Variants in CPSF7 observed in about 807,000 individuals in gnomAD.
CPSF7 encodes cleavage and polyadenylation specificity factor subunit 7.
Under a neutral mutation model 44.3 loss-of-function variants are expected in CPSF7, and 1 was observed. The observed-to-expected ratio is 0.02, with a 90% confidence interval of 0.01 to 0.11. CPSF7 has a LOEUF of 0.11. Among genes scored for constraint, CPSF7 ranks in the 10% least tolerant of loss-of-function variants. The pLI, the probability that CPSF7 is intolerant of heterozygous loss-of-function variation, is 1.00. For synonymous variants in CPSF7, 202 were observed against 222.0 expected, an observed-to-expected ratio of 0.91 and a Z score of 0.80; for missense variants, 443 against 607.2, an observed-to-expected ratio of 0.73 and a Z score of 2.84.
At chr11:61,407,226 T>C (rs2135242827) in intron 9 of CPSF7, among the ~76,000 whole-genome samples, 1 of 152,274 alleles carries the variant, frequency 6.6e-6, no homozygotes, top group Non-Finnish European at 1.5e-5. Context: ...GTGACATGCA[T>C]TTATGTTCTA....
intron 9 of CPSF7, among the ~76,000 whole-genome samples, chr11:61,407,133 AT>A (rs1859407168): frequency 2.0e-5 from 3 of 152,200 alleles, no homozygotes; most frequent in Admixed American, 1.3e-4. Flanking sequence ...GAGATGTTTA[AT>A]TCTCAAACTA....
chr11:61,423,190 T>G (rs1429038063), intron 2 of CPSF7, among the ~76,000 whole-genome samples: 2 of 79,182 alleles, frequency 2.5e-5, no homozygotes, highest in African/African-American at 5.7e-5. Context: ...TTTTTTTTTT[T>G]GAGACACAGT....
chr11:61,429,710 C>G, intron 1 of CPSF7: 1 of 1,533,366 alleles, frequency 6.5e-7, no homozygotes, highest in Non-Finnish European at 8.8e-7. Context: ...CAACCCAGGC[C>G]TACTCTTCGC....
intron 6 of CPSF7, 38 bp downstream of exon 6, chr11:61,416,059 CACTTATTT>C: frequency 1.4e-6 from 2 of 1,446,252 alleles, no homozygotes; most frequent in Non-Finnish European, 1.8e-6. Context: ...ATGCTTAATA[CACTTATTT>C]ACCCTGGCTC....
intron 7 of CPSF7, among the ~76,000 whole-genome samples, chr11:61,412,259 T>C (rs1804564996): frequency 6.6e-6 from 1 of 152,150 alleles, no homozygotes; most frequent in Non-Finnish European, 1.5e-5. Flanking sequence ...CACAAGTGTG[T>C]ATGTTTAACA....
intron 2 of CPSF7, among the ~76,000 whole-genome samples, chr11:61,422,805 A>AACG (rs1861006351): frequency 6.6e-6 from 1 of 152,052 alleles, no homozygotes; most frequent in African/African-American, 2.4e-5. Context: ...CTAAAACTAC[A>AACG]ACTACTACTA....
At position 61,402,969 on chromosome 11, in the gene CPSF7, AC is replaced by A. The variant is rs139560333; in HGVS notation, c.*1740del. 0.06 allele frequency: 9,142 copies of A among 151,976 alleles called. 962 individuals carry two copies. The highest frequency in any genetic ancestry group is 0.21 in the African/African-American group (8,683 of 41,340). The allele number at this position is 151,976 out of a possible 1,614,324, so 9.4% of individuals were successfully genotyped here. On this transcript the variant is annotated 3_prime_UTR_variant, in exon 10 of 10. Coordinates refer to ENST00000439958, the MANE Select transcript of CPSF7 (RefSeq NM_001142565.3). ...TATATATATTTTTCCTTAAACTGTC[AC>A]CTTTTCTCTACATTTTAAAAGACAC...
At chr11:61,426,365 G>A (rs1450463815) in intron 2 of CPSF7, 1 of 152,150 alleles carries the variant, frequency 6.6e-6, no homozygotes, top group Non-Finnish European at 1.5e-5. Flanking sequence ...GCTTCCAGAT[G>A]ACACTAACAC....
intron 2 of CPSF7, among the ~76,000 whole-genome samples, chr11:61,422,660 T>C (rs1339769899): frequency 6.6e-6 from 1 of 152,120 alleles, no homozygotes; most frequent in Non-Finnish European, 1.5e-5. Flanking sequence ...CTCTAAAATA[T>C]AAGGGCCAGA....
intron 1 of CPSF7, 120 bp downstream of exon 1, chr11:61,429,794 C>G (rs1861786739): frequency 6.5e-7 from 1 of 1,548,216 alleles, no homozygotes; most frequent in Non-Finnish European, 8.7e-7. Context: ...TCAAAAGGCC[C>G]GCGACTCCCT....
At chr11:61,406,936 C>T (rs1390047013) in intron 9 of CPSF7, among the ~76,000 whole-genome samples, 5 of 152,218 alleles carry the variant, frequency 3.3e-5, no homozygotes, top group Admixed American at 3.3e-4. Context: ...CATCACCATG[C>T]CCAGCTAGTT....
intron 9 of CPSF7, among the ~76,000 whole-genome samples, chr11:61,409,233 G>C (rs1284778305): frequency 6.6e-6 from 1 of 151,928 alleles, no homozygotes; most frequent in Non-Finnish European, 1.5e-5. Context: ...CAGCACTTTG[G>C]GAGGCCGAGT....
chr11:61,427,653 AAG>A (rs1359855407), intron 2 of CPSF7, among the ~76,000 whole-genome samples: 2 of 150,356 alleles, frequency 1.3e-5, no homozygotes, highest in South Asian at 2.1e-4. Flanking sequence ...ACTCTGTCTC[AAG>A]AAAAAAAAAA....
chr11:61,429,413 A>C (rs530158757), intron 1 of CPSF7, 123 bp from the exon 2 acceptor site: 12 of 599,986 alleles, frequency 2.0e-5, no homozygotes, highest in Admixed American at 1.9e-4. Context: ...GCTCGGCCCC[A>C]CCCGCTCCGC....
chr11:61,420,005 T>A lies in CPSF7; in HGVS notation c.467A>T (p.Asp156Val). The change falls in exon 5 of 10, where the codon GAC becomes GTC. Residue 156 changes from aspartate to valine, a missense_variant. Asp to Val is a radical substitution (Grantham distance 152). Coordinates refer to ENST00000439958, the MANE Select transcript of CPSF7 (RefSeq NM_001142565.3). Reference sequence around the variant, plus strand: ...GTTCTGCCGGGTGGCCGGCCTCACGTCCACTTTTTCTCCATTAAGAACTTT... The same window carrying A: ...GTTCTGCCGGGTGGCCGGCCTCACGACCACTTTTTCTCCATTAAGAACTTT... Reference protein sequence around the residue: ...PGKVLNGEKVDVRPATRQNLS... With the variant: ...PGKVLNGEKVVVRPATRQNLS... The A allele has an allele frequency of 6.2e-7, 1 of 1,614,162 alleles. No individual in the cohort carries two copies. Among genetic ancestry groups the A allele is most frequent in the Non-Finnish European group, 8.5e-7 (1 of 1,180,028 alleles).
rs748388788 is a variant in CPSF7 at position 61,416,462 on chromosome 11, G to A, written c.581C>T (p.Thr194Ile). ...TGAGGGTACAAGGTTCTCAGAGGGT[G>A]TGGCCCGTCCATCAGCAGAATCACT... ...DSSDSADGRA[T>I]PSENLVPSSA... The change falls in exon 6 of 10, where the codon ACA (threonine) becomes ATA (isoleucine). Residue 194 changes from threonine (T) to isoleucine (I), a missense_variant. Coordinates refer to ENST00000439958, the MANE Select transcript of CPSF7 (RefSeq NM_001142565.3). The A allele has an allele frequency of 1.2e-6, 2 of 1,614,158 alleles. No homozygotes were observed. Among genetic ancestry groups the A allele is most frequent in the South Asian group, 1.1e-5 (1 of 91,082 alleles).
intron 2 of CPSF7, among the ~76,000 whole-genome samples, chr11:61,427,608 G>A (rs953835021): frequency 1.3e-4 from 19 of 149,650 alleles, no homozygotes; most frequent in South Asian, 2.1e-4. Context: ...AGCCGAGATC[G>A]CGCCACTGCA....
intron 3 of CPSF7, chr11:61,420,946 C>T (rs1860807495): frequency 1.6e-6 from 1 of 624,968 alleles, no homozygotes; most frequent in Admixed American, 2.4e-5. Flanking sequence ...TTGGAAAAAC[C>T]ACCCCCACCA....
intron 9 of CPSF7, among the ~76,000 whole-genome samples, chr11:61,406,734 TA>T (rs1182515814): frequency 1.3e-5 from 2 of 152,204 alleles, no homozygotes; most frequent in Admixed American, 1.3e-4. Context: ...AGTCTCATCT[TA>T]TTTTATTTTT....
Sources: gnomAD v4.1 joint callset for allele counts (sites outside exome capture counted in the v4.1 genomes callset) on GRCh38, gnomAD v4.1.1 for gene constraint, MANE v1.5 for transcripts, NCBI Gene and HGNC (gene_info 2026-07-23, HGNC 2026-07-21) for gene names.